Variants in MIGA1 observed in about 807,000 individuals in gnomAD.
MIGA1 encodes mitoguardin 1.
Under a neutral mutation model 82.0 loss-of-function variants are expected in MIGA1, and 58 were observed. The ratio of observed to expected loss-of-function variants is 0.71; its 90% CI spans 0.57 to 0.88. The LOEUF is 0.88. Ranked by LOEUF, MIGA1 falls within the 40% of genes least tolerant of loss-of-function variation. The probability of loss-of-function intolerance (pLI) is 0.00; values close to 1 mark genes in which losing one functional copy is unlikely to be tolerated. For missense variants in MIGA1, 751 were observed against 749.1 expected, an observed-to-expected ratio of 1.00 and a Z score of -0.03; for synonymous variants, 249 against 253.6, an observed-to-expected ratio of 0.98 and a Z score of 0.17.
chr1:77,813,714 G>T lies in MIGA1; in HGVS notation c.638-20G>T. On this transcript the variant is annotated intron_variant, in intron 5 of 15. Transcript: ENST00000370791. ...GCATTGATTTTGCTCAGTTAAAATT[G>T]TTCTGTTCTTAATTTTTAGGTATGG... The T allele has an allele frequency of 6.2e-7, 1 of 1,611,782 alleles. No homozygotes were observed. The highest frequency in any genetic ancestry group is 8.5e-7 in the Non-Finnish European group (1 of 1,178,592).
In MIGA1 at chr1:77,813,860, A is replaced by G; in HGVS notation, c.764A>G (p.Asn255Ser). 6.2e-7 allele frequency: 1 copy of G among 1,614,106 alleles called. No individual in the cohort carries two copies. Among genetic ancestry groups the G allele is most frequent in the Non-Finnish European group, 8.5e-7 (1 of 1,180,024 alleles). ...GCAGGAGATGCCATTGCTGAAGAAA[A>G]TGTAGATGTAAGGGTGATTGATTTG... Residue 255 changes from asparagine (N) to serine (S), a missense_variant, in exon 6 of 16, where the codon AAT becomes AGT. Physicochemically the swap from Asn to Ser is conservative, Grantham distance 46 (BLOSUM62 1). Coordinates refer to ENST00000370791, the MANE Select transcript of MIGA1 (RefSeq NM_198549.4).
At position 77,863,971 on chromosome 1, in the gene MIGA1, C is replaced by T. The variant is rs1571013328; in HGVS notation, c.1452C>T (p.Pro484=). Residue 484 remains proline (P), a synonymous_variant, in exon 13 of 16, where the codon CCC becomes CCT. Transcript: ENST00000370791. ...CCTTTGAAGATTTGGAAAACCCACC[C>T]ACATCCATACAGAATGTAGTAAATA... The T allele has an allele frequency of 4.4e-6, 7 of 1,607,122 alleles. No individual in the cohort carries two copies. The highest frequency in any genetic ancestry group is 5.1e-6 in the Non-Finnish European group (6 of 1,178,218).
intron 8 of MIGA1, chr1:77,847,515 C>T: frequency 7.0e-7 from 1 of 1,437,342 alleles, no homozygotes; most frequent in East Asian, 2.3e-5. Flanking sequence ...AAAGGAAATA[C>T]AGAGAGAAAG....
At chr1:77,835,405 A>T (rs1684388544) in intron 7 of MIGA1, among the ~76,000 whole-genome samples, 1 of 152,196 alleles carries the variant, frequency 6.6e-6, no homozygotes, top group South Asian at 2.1e-4. Context: ...GAGACAGTTT[A>T]AATTTTTTTT....
At position 77,783,333 on chromosome 1, in the gene MIGA1, G is replaced by C; in HGVS notation, c.177G>C (p.Trp59Cys). Reference sequence around the variant, plus strand: ...GAGTGTTTGATCTTCCTCTGACTTGGTACTATTCTCTCTCCCAGGTAAATA... The same window carrying C: ...GAGTGTTTGATCTTCCTCTGACTTGCTACTATTCTCTCTCCCAGGTAAATA... Residue 59 changes from tryptophan (W) to cysteine (C), a missense_variant, in exon 2 of 16, where the codon TGG (tryptophan) becomes TGC (cysteine). Trp to Cys is a radical substitution (Grantham distance 215). This residue lies in a region of MIGA1 where 482 missense variants were observed against 439.4 expected (regional missense o/e 1.10). Transcript: ENST00000370791. 1.3e-6 allele frequency: 2 copies of C among 1,583,172 alleles called. No individual in the cohort carries two copies. Among genetic ancestry groups the C allele is most frequent in the Non-Finnish European group, 1.7e-6 (2 of 1,158,600 alleles).
intron 8 of MIGA1, chr1:77,848,414 T>C: frequency 4.4e-6 from 4 of 913,830 alleles, no homozygotes; most frequent in South Asian, 1.6e-5. Flanking sequence ...AAGAAAGATA[T>C]GAAAATAATG....
At chr1:77,830,576 T>C (rs1210853329) in intron 7 of MIGA1, among the ~76,000 whole-genome samples, 2 of 152,136 alleles carry the variant, frequency 1.3e-5, no homozygotes. Context: ...TTCATCCCTC[T>C]TCCGCACCCC....
At chr1:77,789,535 C>T (rs1169388428) in intron 2 of MIGA1, among the ~76,000 whole-genome samples, 2 of 152,028 alleles carry the variant, frequency 1.3e-5, no homozygotes, top group African/African-American at 2.4e-5. Context: ...TTTTTTTAAC[C>T]AGATTTTAAA....
chr1:77,779,988 G>T, intron 1 of MIGA1: 2 of 1,259,308 alleles, frequency 1.6e-6, no homozygotes, highest in East Asian at 3.6e-5. Context: ...GCATAGGAAA[G>T]CAGGAGGGTC....
chr1:77,815,076 A>G (rs1164037151), intron 6 of MIGA1, 32 bp from the exon 7 acceptor site: 3 of 1,397,066 alleles, frequency 2.1e-6, no homozygotes, highest in South Asian at 3.0e-5. Context: ...TTAGAATTTA[A>G]TTTGTTCTGT....
chr1:77,780,165 T>G lies in MIGA1; in HGVS notation c.81+429T>G, dbSNP rs868056913. The G allele has an allele frequency of 1.0e-5, 10 of 989,096 alleles. 2 individuals carry two copies. In the Middle Eastern group the frequency reaches 1.5e-3, roughly 153 times the overall value. 61.3% of individuals were successfully genotyped at this position (989,096 alleles called of 1,614,324 possible). A position where few individuals can be genotyped will look rare whatever the true frequency, so the allele number is the denominator to read the frequency against. On this transcript the variant is annotated intron_variant, in intron 1 of 15. Transcript: ENST00000370791. ...AGAGGAGAGCTCCGCGAGGGGCTGCTGTGGGGTCGGGGGAGAGCGCGCTGG... is the reference window on the plus strand; with the variant it reads ...AGAGGAGAGCTCCGCGAGGGGCTGCGGTGGGGTCGGGGGAGAGCGCGCTGG...
chr1:77,829,817 G>C (rs1212050983), intron 7 of MIGA1, among the ~76,000 whole-genome samples: 1 of 151,896 alleles, frequency 6.6e-6, no homozygotes, highest in African/African-American at 2.4e-5. Context: ...TTTAATGTTT[G>C]GATGGGTAAT....
intron 2 of MIGA1, among the ~76,000 whole-genome samples, chr1:77,789,575 C>T (rs552005505): frequency 6.6e-6 from 1 of 152,226 alleles, no homozygotes; most frequent in African/African-American, 2.4e-5. Flanking sequence ...GTATCCTTCA[C>T]AGCCAATCAA....
At chr1:77,832,373 T>A (rs1260735072) in intron 7 of MIGA1, among the ~76,000 whole-genome samples, 1 of 152,234 alleles carries the variant, frequency 6.6e-6, no homozygotes, top group Admixed American at 6.5e-5. Flanking sequence ...GAAATAAAGA[T>A]GAAGATTTCA....
At chr1:77,847,630 C>T in intron 8 of MIGA1, 5 of 1,554,034 alleles carry the variant, frequency 3.2e-6, no homozygotes, top group African/African-American at 2.7e-5. Context: ...AAGAGGGCTG[C>T]TGCGCTGGAA....
intron 7 of MIGA1, among the ~76,000 whole-genome samples, chr1:77,817,745 T>C (rs868441938): frequency 1.3e-5 from 2 of 152,298 alleles, no homozygotes; most frequent in Middle Eastern, 6.8e-3. Flanking sequence ...CCAAAATCAT[T>C]GTATACATTT....
rs779519529 is a variant in MIGA1, at chr1:77,787,141, C to T, written c.195+3790C>T. 7.2e-5 allele frequency among the ~76,000 whole-genome samples: 11 copies of T among 152,230 alleles called. 1 individual carries two copies. Among genetic ancestry groups the T allele is most frequent in the African/African-American group, 7.2e-5 (3 of 41,532 alleles). On this transcript the variant is annotated intron_variant, in intron 2 of 15. Transcript: ENST00000370791. The stretch of plus-strand genomic sequence containing the variant: ...ACCATCAGATCTCGTGAGACTTATG[C>T]GCTGTCATGAGAACAGCAAGGGAAG...
Position 77,870,276 on chromosome 1 carries a change from C to T in MIGA1, c.1564-2728C>T, listed in dbSNP as rs1427242364. Reference sequence around the variant, plus strand: ...GTGGCTGCCGGGCGGAGACGCTCCTCACTTCCCAGACGGGGTGGCTGCCGG... The same window carrying T: ...GTGGCTGCCGGGCGGAGACGCTCCTTACTTCCCAGACGGGGTGGCTGCCGG... On this transcript the variant is annotated intron_variant, in intron 14 of 15. Coordinates refer to ENST00000370791, the MANE Select transcript of MIGA1 (RefSeq NM_198549.4). Among the ~76,000 whole-genome samples, 84 of 127,814 alleles carry T rather than the reference C, an allele frequency of 6.6e-4. No homozygotes were observed. In the East Asian group the frequency reaches 0.023, roughly 35 times the overall value. The allele number at this position is 127,814 out of a possible 152,430, so 83.9% of individuals were successfully genotyped here. A position where few individuals can be genotyped will look rare whatever the true frequency, so the allele number is the denominator to read the frequency against.
chr1:77,867,713 A>G (rs1685729855), intron 14 of MIGA1, among the ~76,000 whole-genome samples: 1 of 152,232 alleles, frequency 6.6e-6, no homozygotes, highest in African/African-American at 2.4e-5. Context: ...CTGTTACAAC[A>G]TTATTATTTA....
Sources: allele counts gnomAD v4.1 joint callset (sites outside exome capture counted in the v4.1 genomes callset), GRCh38; gene constraint gnomAD v4.1.1; regional missense constraint gnomAD v4.1.1; transcripts MANE v1.5; gene names NCBI Gene and HGNC (gene_info 2026-07-23, HGNC 2026-07-21).